Variants in JAZF1 observed in about 807,000 individuals in gnomAD.
JAZF1 encodes juxtaposed with another zinc finger protein 1.
In JAZF1, 8 loss-of-function variants were observed where a neutral mutation model predicts 26.4. The ratio of observed to expected loss-of-function variants is 0.30; its 90% confidence interval spans 0.18 to 0.55. JAZF1 has a LOEUF of 0.55. Ranked by LOEUF, JAZF1 falls within the 20% of genes least tolerant of loss-of-function variation. JAZF1 has a pLI of 0.94. For missense variants in JAZF1, 199 were observed against 322.0 expected, an observed-to-expected ratio of 0.62 and a Z score of 2.92; for synonymous variants, 126 against 122.3, an observed-to-expected ratio of 1.03 and a Z score of -0.20.
intron 1 of JAZF1, among the ~76,000 whole-genome samples, chr7:28,140,736 T>C (rs538972303): frequency 2.6e-5 from 4 of 152,392 alleles, no homozygotes; most frequent in Non-Finnish European, 5.9e-5. Flanking sequence ...ACAACATTTA[T>C]GCAGCAACCG....
intron 1 of JAZF1, among the ~76,000 whole-genome samples, chr7:28,026,397 C>G (rs1390457320): frequency 6.6e-6 from 1 of 152,186 alleles, no homozygotes; most frequent in Admixed American, 6.5e-5. Context: ...GCAGTGCAGA[C>G]ACAAGAGCTC....
In JAZF1 at chr7:27,895,242, T is replaced by C. The variant is rs760435384; in HGVS notation, c.363A>G (p.Ser121=). ...CACCTGTCGGAGTGCTGCTGCGGAA[T>C]GAAGAGGAGGGGGTGATGGGTGGGG... ...PVTPPITPSS[S]FRSSTPTGSE... Residue 121 remains serine, a synonymous_variant, in exon 3 of 5, where the codon TCA becomes TCG. Transcript: ENST00000283928. 3.9e-5 allele frequency: 62 copies of C among 1,603,474 alleles called. No homozygotes were observed. Among genetic ancestry groups the C allele is most frequent in the Non-Finnish European group, 5.1e-5 (60 of 1,175,300 alleles).
chr7:28,036,999 G>A (rs1783305098), intron 1 of JAZF1, among the ~76,000 whole-genome samples: 2 of 152,140 alleles, frequency 1.3e-5, no homozygotes, highest in African/African-American at 4.8e-5. Context: ...TTTACTTTAG[G>A]AAGAATCTGG....
At chr7:27,962,127 T>G (rs111262157) in intron 2 of JAZF1, among the ~76,000 whole-genome samples, 1 of 152,232 alleles carries the variant, frequency 6.6e-6, no homozygotes, top group African/African-American at 2.4e-5. Flanking sequence ...AGAGTCTTCA[T>G]GTACAACAAC....
intron 2 of JAZF1, among the ~76,000 whole-genome samples, chr7:27,914,044 G>T (rs1784404934): frequency 6.6e-6 from 1 of 152,186 alleles, no homozygotes; most frequent in African/African-American, 2.4e-5. Flanking sequence ...GAATAAGAGG[G>T]GCGGGAGAAC....
intron 2 of JAZF1, among the ~76,000 whole-genome samples, chr7:27,982,290 A>T (rs1383900865): frequency 8.1e-6 from 1 of 122,892 alleles, no homozygotes; most frequent in East Asian, 3.4e-4. Flanking sequence ...AACACAGCAC[A>T]CCAGGAGATT....
intron 1 of JAZF1, among the ~76,000 whole-genome samples, chr7:28,176,348 T>G (rs573670290): frequency 6.6e-6 from 1 of 152,364 alleles, no homozygotes; most frequent in Non-Finnish European, 1.5e-5. Context: ...ATTCAAGTGC[T>G]GCAGGCCTGC....
chr7:28,061,488 C>G (rs1320929143), intron 1 of JAZF1, among the ~76,000 whole-genome samples: 1 of 152,076 alleles, frequency 6.6e-6, no homozygotes, highest in Non-Finnish European at 1.5e-5. Context: ...CCATTTAGGA[C>G]CAAGAGGGAG....
intron 4 of JAZF1, among the ~76,000 whole-genome samples, chr7:27,836,994 A>G (rs1160547978): frequency 2.6e-5 from 4 of 152,080 alleles, no homozygotes; most frequent in African/African-American, 4.8e-5. Flanking sequence ...TTTCCACTCA[A>G]TGTTACTTTG....
chr7:28,140,287 T>C (rs148591681), intron 1 of JAZF1, among the ~76,000 whole-genome samples: 1,726 of 152,108 alleles, frequency 0.011, 36 homozygotes, highest in African/African-American at 0.04. Flanking sequence ...TTTACCATGT[T>C]GGCCAGGCTG....
intron 2 of JAZF1, among the ~76,000 whole-genome samples, chr7:27,964,640 G>GTTT (rs11450000): frequency 6.8e-6 from 1 of 145,986 alleles, no homozygotes; most frequent in African/African-American, 2.5e-5. Context: ...ATCAGAAAAA[G>GTTT]TTTTTTTTTT....
At chr7:28,138,966 G>C (rs1266901454) in intron 1 of JAZF1, among the ~76,000 whole-genome samples, 1 of 151,788 alleles carries the variant, frequency 6.6e-6, no homozygotes, top group Non-Finnish European at 1.5e-5. Context: ...TGAATGACTT[G>C]GTGAACTGGC....
At chr7:28,155,121 G>C (rs1412775090) in intron 1 of JAZF1, among the ~76,000 whole-genome samples, 1 of 152,114 alleles carries the variant, frequency 6.6e-6, no homozygotes, top group Non-Finnish European at 1.5e-5. Flanking sequence ...ATGATTGGGA[G>C]GGGGGATGGA....
intron 1 of JAZF1, among the ~76,000 whole-genome samples, chr7:28,079,930 A>G (rs1376515555): frequency 6.6e-6 from 1 of 152,238 alleles, no homozygotes; most frequent in African/African-American, 2.4e-5. Context: ...ATCACAATAA[A>G]GCAAGTCACA....
chr7:28,110,555 G>GGA (rs1784639490), intron 1 of JAZF1, among the ~76,000 whole-genome samples: 1 of 118,238 alleles, frequency 8.5e-6, no homozygotes, highest in African/African-American at 3.1e-5. Flanking sequence ...AAAGGAAAAG[G>GGA]AAAGGGAAAG....
At chr7:28,110,597 GA>G (rs143194147) in intron 1 of JAZF1, among the ~76,000 whole-genome samples, 2,439 of 103,784 alleles carry the variant, frequency 0.024, 263 homozygotes, top group African/African-American at 0.071. Flanking sequence ...AAAGGAAAAG[GA>G]AAAGGAAAAG....
At chr7:28,092,017 T>C (rs1343346869) in intron 1 of JAZF1, among the ~76,000 whole-genome samples, 1 of 152,122 alleles carries the variant, frequency 6.6e-6, no homozygotes, top group Non-Finnish European at 1.5e-5. Flanking sequence ...ATTCAACTTC[T>C]AGTGAGAAAA....
intron 1 of JAZF1, among the ~76,000 whole-genome samples, chr7:28,060,886 T>C (rs1055728450): frequency 6.6e-6 from 1 of 152,204 alleles, no homozygotes; most frequent in African/African-American, 2.4e-5. Flanking sequence ...TCACTTGGTA[T>C]TTAGCATCTG....
At chr7:27,982,619 G>T (rs987827050) in intron 2 of JAZF1, among the ~76,000 whole-genome samples, 5 of 152,172 alleles carry the variant, frequency 3.3e-5, no homozygotes, top group African/African-American at 1.2e-4. Flanking sequence ...TCCCGGCACG[G>T]AGTTTGAAAT....
Sources: allele counts gnomAD v4.1 joint callset (sites outside exome capture counted in the v4.1 genomes callset), GRCh38; gene constraint gnomAD v4.1.1; transcripts MANE v1.5; gene names NCBI Gene and HGNC (gene_info 2026-07-23, HGNC 2026-07-21).